SHC4: variants seen among roughly 807,000 people sequenced by gnomAD.
The protein encoded by SHC4 is SHC adaptor protein 4.
In SHC4, 41 loss-of-function variants were observed where a neutral mutation model predicts 69.4. The observed-to-expected ratio is 0.59, with a 90% confidence interval of 0.46 to 0.77. SHC4 has a LOEUF of 0.77. Ranked by LOEUF, SHC4 falls within the 30% of genes least tolerant of loss-of-function variation. SHC4 has a pLI of 0.00. For synonymous variants in SHC4, 318 were observed against 299.3 expected, an observed-to-expected ratio of 1.06 and a Z score of -0.64; for missense variants, 777 against 783.8, an observed-to-expected ratio of 0.99 and a Z score of 0.10.
At chr15:48,921,127 T>C (rs982219616) in intron 2 of SHC4, among the ~76,000 whole-genome samples, 2 of 152,150 alleles carry the variant, frequency 1.3e-5, no homozygotes, top group Non-Finnish European at 2.9e-5. Context: ...GTATTGAGCC[T>C]TAAAAACGAA....
At chr15:48,911,555 T>C (rs1202617523) in intron 2 of SHC4, among the ~76,000 whole-genome samples, 3 of 152,190 alleles carry the variant, frequency 2.0e-5, no homozygotes, top group African/African-American at 4.8e-5. Flanking sequence ...ATTTAGGCCA[T>C]TTACATTCAA....
intron 2 of SHC4, among the ~76,000 whole-genome samples, chr15:48,920,351 G>A (rs558263361): frequency 2.7e-5 from 4 of 150,732 alleles, no homozygotes; most frequent in African/African-American, 9.8e-5. Context: ...AACTGTGCAT[G>A]AGCAGGAGCT....
intron 1 of SHC4, among the ~76,000 whole-genome samples, chr15:48,959,642 A>G (rs1331913387): frequency 6.6e-6 from 1 of 152,204 alleles, no homozygotes; most frequent in Non-Finnish European, 1.5e-5. Context: ...CTCTCCTATG[A>G]ATCCATTATT....
At chr15:48,877,984 G>A (rs914286097) in intron 4 of SHC4, 15 of 582,624 alleles carry the variant, frequency 2.6e-5, no homozygotes, top group Non-Finnish European at 3.6e-5. Context: ...CTCAAAAGGC[G>A]ACGCCAACAC....
chr15:48,899,765 G>A (rs1900288658), intron 2 of SHC4, among the ~76,000 whole-genome samples: 1 of 152,156 alleles, frequency 6.6e-6, no homozygotes, highest in Non-Finnish European at 1.5e-5. Context: ...CATCCACAGA[G>A]AGTACACCAT....
At chr15:48,829,000 T>C (rs111710864) in intron 11 of SHC4, among the ~76,000 whole-genome samples, 111 of 152,338 alleles carry the variant, frequency 7.3e-4, no homozygotes, top group African/African-American at 2.6e-3. Flanking sequence ...TTCTTTGCTG[T>C]GCAGAAGCTT....
chr15:48,904,400 T>A (rs188292425), intron 2 of SHC4, among the ~76,000 whole-genome samples: 21 of 152,332 alleles, frequency 1.4e-4, no homozygotes, highest in African/African-American at 4.8e-4. Context: ...AATAATAAAC[T>A]GCTATTTCAA....
rs1900467521 is a variant in SHC4, at chr15:48,909,385, A to G, written c.656+15494T>C. 2.0e-5 allele frequency among the ~76,000 whole-genome samples: 3 copies of G among 152,022 alleles called. No homozygotes were observed. In the South Asian group the frequency reaches 6.2e-4, roughly 32 times the overall value. ...ATATAGAAGACCTACTGATCTGTGA[A>G]TACATTAATCTTGTATCCAGAAACT... On this transcript the variant is annotated intron_variant, in intron 2 of 11. Transcript: ENST00000332408.
intron 7 of SHC4, among the ~76,000 whole-genome samples, chr15:48,857,017 A>T (rs1242951073): frequency 6.6e-6 from 1 of 152,004 alleles, no homozygotes; most frequent in East Asian, 1.9e-4. Flanking sequence ...AAAGTGACAT[A>T]CCAGAGGAAA....
At chr15:48,843,361 G>T in intron 10 of SHC4, 48 bp downstream of exon 10, 1 of 1,507,676 alleles carries the variant, frequency 6.6e-7, no homozygotes, top group Non-Finnish European at 9.0e-7. Context: ...GTGGTAATTT[G>T]TTAAAACAGC....
At chr15:48,876,055 T>C (rs1397356483) in intron 4 of SHC4, among the ~76,000 whole-genome samples, 1 of 152,214 alleles carries the variant, frequency 6.6e-6, no homozygotes, top group African/African-American at 2.4e-5. Context: ...TTAAGAGAGC[T>C]GCTTCAGAGA....
At chr15:48,921,407 T>C (rs1412149114) in intron 2 of SHC4, among the ~76,000 whole-genome samples, 1 of 151,394 alleles carries the variant, frequency 6.6e-6, no homozygotes, top group Non-Finnish European at 1.5e-5. Flanking sequence ...CAATCTCGGC[T>C]CACTGCAACC....
rs534014468 is a variant in SHC4, at chr15:48,963,443, C to T, written c.-428G>A. The stretch of plus-strand genomic sequence containing the variant: ...CCCACCCTCACCCCAGCCTTCTGTT[C>T]TGCACACAGGAACTTTCGAACCTGC... On this transcript the variant is annotated 5_prime_UTR_variant, in exon 1 of 12. Coordinates refer to ENST00000332408, the MANE Select transcript of SHC4 (RefSeq NM_203349.4). 7.5e-4 allele frequency: 136 copies of T among 182,520 alleles called. 2 individuals are homozygous for T. The South Asian group carries it at 0.019, about 26-fold the overall frequency. 11.3% of individuals were successfully genotyped at this position (182,520 alleles called of 1,614,324 possible).
At chr15:48,872,933 T>G (rs1286652967) in intron 4 of SHC4, among the ~76,000 whole-genome samples, 1 of 152,238 alleles carries the variant, frequency 6.6e-6, no homozygotes, top group Non-Finnish European at 1.5e-5. Context: ...TGACTAATCC[T>G]GCTTTCAAAA....
intron 10 of SHC4, among the ~76,000 whole-genome samples, chr15:48,839,984 C>T (rs1398142790): frequency 6.6e-6 from 1 of 152,182 alleles, no homozygotes; most frequent in Non-Finnish European, 1.5e-5. Context: ...GTCTGCCAAT[C>T]GCAGGTGAAA....
intron 1 of SHC4, among the ~76,000 whole-genome samples, chr15:48,942,700 G>A (rs925859688): frequency 6.6e-6 from 1 of 152,186 alleles, no homozygotes; most frequent in Non-Finnish European, 1.5e-5. Flanking sequence ...ATAGATTGAT[G>A]TAAGTAATCA....
rs1258710008 is a variant in SHC4 at position 48,825,730 on chromosome 15, C to T, written c.*241G>A. ...CAATATGGCCTTAAAAAGTGACATC[C>T]GTGCATACATATAATTTCTTTTAAA... On this transcript the variant is annotated 3_prime_UTR_variant, in exon 12 of 12. Transcript: ENST00000332408. The T allele has an allele frequency of 1.4e-5, 6 of 413,930 alleles. No homozygotes were observed. Among genetic ancestry groups the T allele is most frequent in the East Asian group, 8.4e-5 (2 of 23,682 alleles). The allele number at this position is 413,930 out of a possible 1,614,324, so 25.6% of individuals were successfully genotyped here. A position where few individuals can be genotyped will look rare whatever the true frequency, so the allele number is the denominator to read the frequency against.
chr15:48,893,841 G>A (rs1402099063), intron 2 of SHC4, among the ~76,000 whole-genome samples: 1 of 152,162 alleles, frequency 6.6e-6, no homozygotes, highest in African/African-American at 2.4e-5. Flanking sequence ...GGTGGGGCGT[G>A]GTGGCACATA....
At chr15:48,836,174 C>A (rs962980628) in intron 10 of SHC4, among the ~76,000 whole-genome samples, 1 of 152,038 alleles carries the variant, frequency 6.6e-6, no homozygotes, top group African/African-American at 2.4e-5. Context: ...GCCTGGGCGA[C>A]AGTGAGACCC....
Sources: gnomAD v4.1 joint callset for allele counts (sites outside exome capture counted in the v4.1 genomes callset) on GRCh38, gnomAD v4.1.1 for gene constraint, MANE v1.5 for transcripts, NCBI Gene and HGNC (gene_info 2026-07-23, HGNC 2026-07-21) for gene names.